NRP2: variants seen among roughly 807,000 people sequenced by gnomAD.
The protein encoded by NRP2 is neuropilin 2.
A neutral mutation model predicts 110.4 loss-of-function variants in NRP2; 52 were observed. That is an observed-to-expected ratio of 0.47 (90% CI 0.38 to 0.59). The LOEUF (loss-of-function observed/expected upper bound fraction) is 0.59. Ranked by LOEUF, NRP2 falls within the 20% of genes least tolerant of loss-of-function variation. NRP2 has a pLI of 0.00. For synonymous variants in NRP2, 508 were observed against 468.9 expected, an observed-to-expected ratio of 1.08 and a Z score of -1.08; for missense variants, 1,049 against 1,203.0, an observed-to-expected ratio of 0.87 and a Z score of 1.89.
intron 15 of NRP2, among the ~76,000 whole-genome samples, chr2:205,782,253 G>A (rs903055487): frequency 2.6e-5 from 4 of 152,050 alleles, no homozygotes; most frequent in Non-Finnish European, 4.4e-5. Context: ...CTAAAGTCCC[G>A]TGGGCATTGG....
At chr2:205,744,043 C>G (rs2057494216) in intron 9 of NRP2, among the ~76,000 whole-genome samples, 1 of 152,284 alleles carries the variant, frequency 6.6e-6, no homozygotes, top group Admixed American at 6.5e-5. Context: ...CGCGCCCGGC[C>G]TGGACTCTTT....
At chr2:205,785,901 C>T (rs540330453) in intron 15 of NRP2, among the ~76,000 whole-genome samples, 1 of 152,304 alleles carries the variant, frequency 6.6e-6, no homozygotes, top group African/African-American at 2.4e-5. Context: ...ACCAAGCCCC[C>T]TCCTTTTTTT....
intron 2 of NRP2, among the ~76,000 whole-genome samples, chr2:205,714,138 C>G (rs184448970): frequency 5.9e-5 from 9 of 152,278 alleles, no homozygotes; most frequent in Non-Finnish European, 8.8e-5. Flanking sequence ...TGGACTAACA[C>G]TTTAGATAGA....
intron 14 of NRP2, chr2:205,765,789 A>C (rs2057908548): frequency 2.9e-6 from 2 of 682,568 alleles, no homozygotes; most frequent in Non-Finnish European, 5.5e-6. Context: ...CCCTGTTCCC[A>C]ATCAGAAATA....
chr2:205,747,788 A>G (rs1270345838), intron 10 of NRP2, among the ~76,000 whole-genome samples: 1 of 151,940 alleles, frequency 6.6e-6, no homozygotes, highest in African/African-American at 2.4e-5. Context: ...CAGTCTGGCC[A>G]GTGGGACAGT....
rs540783514 is a variant in NRP2, at chr2:205,723,751, T to C, written c.665-34T>C. 3 of 1,613,110 alleles carry C rather than the reference T, an allele frequency of 1.9e-6. No homozygotes were observed. In the African/African-American group the frequency reaches 4.0e-5, roughly 21 times the overall value. On this transcript the variant is annotated intron_variant, in intron 4 of 16. Coordinates refer to ENST00000357785, the MANE Select transcript of NRP2 (RefSeq NM_003872.3). ...GTGAAAACCAAGTTTGACATTTTGA[T>C]TTCCACTGACTTCTCTTTGTCTTGA...
chr2:205,728,416 A>G (rs1028378605), intron 7 of NRP2, among the ~76,000 whole-genome samples: 8 of 152,170 alleles, frequency 5.3e-5, no homozygotes, highest in African/African-American at 1.7e-4. Context: ...ACAAAACCAC[A>G]TGATACTATA....
intron 15 of NRP2, among the ~76,000 whole-genome samples, chr2:205,775,762 C>A (rs1287815082): frequency 6.6e-6 from 1 of 152,188 alleles, no homozygotes; most frequent in African/African-American, 2.4e-5. Flanking sequence ...CTCAGGAAAT[C>A]TGCCTCACTG....
chr2:205,694,020 A>G (rs2056370001), intron 1 of NRP2, among the ~76,000 whole-genome samples: 1 of 152,202 alleles, frequency 6.6e-6, no homozygotes, highest in South Asian at 2.1e-4. Flanking sequence ...CCCATTCTTA[A>G]TACTTCTTAA....
intron 3 of NRP2, 22 bp downstream of exon 3, chr2:205,716,396 G>A (rs971062951): frequency 6.2e-7 from 1 of 1,612,774 alleles, no homozygotes; most frequent in African/African-American, 1.3e-5. Context: ...CACACGTAGG[G>A]GCCGGGAGAT....
chr2:205,696,097 C>T (rs1476207907), intron 1 of NRP2, among the ~76,000 whole-genome samples: 3 of 152,186 alleles, frequency 2.0e-5, no homozygotes, highest in African/African-American at 7.2e-5. Flanking sequence ...AGTTTGAGCT[C>T]GTGGAGGCTT....
At chr2:205,700,505 G>T (rs559539192) in intron 2 of NRP2, among the ~76,000 whole-genome samples, 2 of 152,310 alleles carry the variant, frequency 1.3e-5, no homozygotes, top group African/African-American at 4.8e-5. Flanking sequence ...TTCTTCCTAC[G>T]TGCAGGGTTA....
chr2:205,715,294 C>G (rs2056872310), intron 2 of NRP2, among the ~76,000 whole-genome samples: 1 of 152,098 alleles, frequency 6.6e-6, no homozygotes, highest in Non-Finnish European at 1.5e-5. Flanking sequence ...ATGAACGGAG[C>G]CAAGGGTATC....
At chr2:205,683,921 G>A (rs920005762) in intron 1 of NRP2, among the ~76,000 whole-genome samples, 8 of 152,192 alleles carry the variant, frequency 5.3e-5, no homozygotes, top group Non-Finnish European at 8.8e-5. Flanking sequence ...GTTGGCTTGT[G>A]GCTGAGATAG....
chr2:205,767,523 CAG>C, intron 15 of NRP2: 2 of 437,344 alleles, frequency 4.6e-6, no homozygotes, highest in Non-Finnish European at 9.2e-6. Flanking sequence ...CCCGAGAAAG[CAG>C]AGAGAGCAGA....
At chr2:205,768,784 G>A (rs145458524) in intron 15 of NRP2, among the ~76,000 whole-genome samples, 18 of 152,338 alleles carry the variant, frequency 1.2e-4, no homozygotes, top group East Asian at 7.7e-4. Flanking sequence ...CATGGCTTTC[G>A]TCCTGGAGGA....
At position 205,731,610 on chromosome 2, in the gene NRP2, C is replaced by T. The variant is rs141397626; in HGVS notation, c.1146+3564C>T. Among the ~76,000 whole-genome samples the T allele has an allele frequency of 6.5e-3, 985 of 152,314 alleles. 7 individuals are homozygous for T. The highest frequency in any genetic ancestry group is 8.5e-3 in the Non-Finnish European group (576 of 68,034). On this transcript the variant is annotated intron_variant, in intron 7 of 16. Coordinates refer to ENST00000357785, the MANE Select transcript of NRP2 (RefSeq NM_003872.3). ...CCCTTATCTTCAGTTCCCTCTCATT[C>T]GGTAAACGTGGGGATCTCCCTTGTT... is the stretch of plus-strand genomic sequence containing the variant.
chr2:205,755,668 C>G (rs1264370127), intron 12 of NRP2, among the ~76,000 whole-genome samples: 1 of 150,952 alleles, frequency 6.6e-6, no homozygotes, highest in East Asian at 1.9e-4. Flanking sequence ...AAGCAGCTGG[C>G]TTGGTTGGGG....
Position 205,726,097 on chromosome 2 carries a change from A to T in NRP2, c.990+15A>T, listed in dbSNP as rs1258412951. 1 of 1,614,038 alleles carries T rather than the reference A, an allele frequency of 6.2e-7. No individual in the cohort carries two copies. On this transcript the variant is annotated intron_variant, in intron 6 of 16. Transcript: ENST00000357785. ...AGTATCTCCAGGTACTTGTGCAGAT[A>T]CCAGAGGATGTGAGAGTGTGTATGT...
Sources: gnomAD v4.1 joint callset for allele counts (sites outside exome capture counted in the v4.1 genomes callset) on GRCh38, gnomAD v4.1.1 for gene constraint, MANE v1.5 for transcripts, NCBI Gene and HGNC (gene_info 2026-07-23, HGNC 2026-07-21) for gene names.